Variants in PDIA6 observed in about 807,000 individuals in gnomAD.
PDIA6 encodes the protein protein disulfide isomerase family A member 6.
Under a neutral mutation model 58.4 loss-of-function variants are expected in PDIA6, and 29 were observed. The ratio of observed to expected loss-of-function variants is 0.50; its 90% CI spans 0.37 to 0.68. PDIA6 has a LOEUF of 0.68. Ranked by LOEUF, PDIA6 falls within the 30% of genes least tolerant of loss-of-function variation. The pLI, the probability that PDIA6 is intolerant of heterozygous loss-of-function variation, is 0.00. For synonymous variants in PDIA6, 192 were observed against 202.6 expected (o/e 0.95, Z 0.44); for missense variants, 480 against 551.0 (o/e 0.87, Z 1.29).
chr2:10,790,689 C>T, intron 7 of PDIA6, 30 bp downstream of exon 7: 1 of 1,475,674 alleles, frequency 6.8e-7, no homozygotes, highest in East Asian at 2.3e-5. Flanking sequence ...ATGTATTTCA[C>T]AATGAAATGA....
At chr2:10,819,427 C>A in intron 1 of PDIA6, 1 of 886,648 alleles carries the variant, frequency 1.1e-6, no homozygotes, top group Non-Finnish European at 1.8e-6. Flanking sequence ...CACCATATGC[C>A]AGGCTCCACG....
intron 1 of PDIA6, among the ~76,000 whole-genome samples, chr2:10,825,001 G>A (rs1174686240): frequency 6.6e-6 from 1 of 152,088 alleles, no homozygotes; most frequent in Non-Finnish European, 1.5e-5. Flanking sequence ...AATCTGGGTG[G>A]GCACCAGCTA....
chr2:10,787,423 C>G lies in PDIA6; in HGVS notation c.1015G>C (p.Ala339Pro), dbSNP rs148440709. ...GTCTCAAGTTCAGACTGGGCTCCAG[C>G]TTCTGTCCACAGCCACCTAGAAAAC... ...KKMWGWLWTE[A>P]GAQSELETAL... Residue 339 changes from alanine to proline, a missense_variant, in exon 11 of 13, where the codon GCT (alanine) becomes CCT (proline). Physicochemically the swap from Ala to Pro is conservative, Grantham distance 27 (BLOSUM62 -1). Transcript: ENST00000272227. 6.8e-6 allele frequency: 11 copies of G among 1,613,152 alleles called. No individual in the cohort carries two copies. Among genetic ancestry groups the G allele is most frequent in the Non-Finnish European group, 8.5e-6 (10 of 1,179,642 alleles).
In PDIA6 at chr2:10,784,689, A is replaced by G. The variant is rs1434600257; in HGVS notation, c.1254+245T>C. 1.5e-5 allele frequency: 8 copies of G among 535,844 alleles called. No homozygotes were observed. In the African/African-American group the frequency reaches 1.5e-4, roughly 10 times the overall value. 33.2% of individuals were successfully genotyped at this position (535,844 alleles called of 1,614,324 possible). On this transcript the variant is annotated intron_variant, in intron 12 of 12. Transcript: ENST00000272227. ...CAGGTTAAATGTTCACTTTAAGGTAATAATCAGGAAAGCAACCTTACTACT... is the reference window on the plus strand; with the variant it reads ...CAGGTTAAATGTTCACTTTAAGGTAGTAATCAGGAAAGCAACCTTACTACT...
At chr2:10,797,859 T>A (rs1477446639) in intron 2 of PDIA6, 102 bp from the exon 3 acceptor site, 2 of 842,412 alleles carry the variant, frequency 2.4e-6, no homozygotes, top group Non-Finnish European at 3.8e-6. Flanking sequence ...GTCTATTGAA[T>A]GAGATGCCTG....
upstream of PDIA6, among the ~76,000 whole-genome samples, chr2:10,833,851 C>T (rs865792817): frequency 3.3e-5 from 5 of 152,284 alleles, no homozygotes; most frequent in East Asian, 7.7e-4. Flanking sequence ...GCTTGGAGCT[C>T]GAGGTGCCAA....
intron 11 of PDIA6, among the ~76,000 whole-genome samples, chr2:10,786,273 A>G (rs1227249670): frequency 1.3e-5 from 2 of 151,582 alleles, no homozygotes; most frequent in Non-Finnish European, 2.9e-5. Context: ...CAGTGAGCCG[A>G]GATCGTGCCA....
chr2:10,829,104 G>A (rs893714831), intron 1 of PDIA6, among the ~76,000 whole-genome samples: 2 of 152,214 alleles, frequency 1.3e-5, no homozygotes, highest in African/African-American at 4.8e-5. Context: ...TTCCCCAAGA[G>A]AGAATCTGCT....
intron 6 of PDIA6, 122 bp downstream of exon 6, chr2:10,791,667 TAGAGTC>T (rs1267004959): frequency 1.2e-6 from 1 of 811,200 alleles, no homozygotes; most frequent in South Asian, 1.9e-5. Flanking sequence ...AATATTCACT[TAGAGTC>T]AGAGTTTTGC....
chr2:10,836,625 G>A (rs529833889), upstream of PDIA6, among the ~76,000 whole-genome samples: 74 of 150,546 alleles, frequency 4.9e-4, no homozygotes, highest in South Asian at 6.9e-3. Context: ...TGTTTTTAGC[G>A]TATTCACAAG....
intron 7 of PDIA6, among the ~76,000 whole-genome samples, chr2:10,790,118 G>A (rs990163654): frequency 3.3e-5 from 5 of 151,770 alleles, no homozygotes; most frequent in Non-Finnish European, 7.4e-5. Flanking sequence ...AGCTGGGACT[G>A]CAGGCACACA....
intron 1 of PDIA6, among the ~76,000 whole-genome samples, chr2:10,819,698 G>A (rs989226530): frequency 2.0e-5 from 3 of 152,272 alleles, no homozygotes; most frequent in South Asian, 2.1e-4. Context: ...AAGGAAAGAG[G>A]AACCTCCATC....
chr2:10,804,098 T>C (rs564968901), intron 1 of PDIA6, among the ~76,000 whole-genome samples: 12 of 151,730 alleles, frequency 7.9e-5, no homozygotes, highest in East Asian at 3.9e-4. Flanking sequence ...TTAGTAGAGA[T>C]GGGGTTTCAC....
chr2:10,804,653 G>A (rs1572679334), intron 1 of PDIA6, among the ~76,000 whole-genome samples: 2 of 135,190 alleles, frequency 1.5e-5, no homozygotes, highest in South Asian at 2.6e-4. Flanking sequence ...TTGGCGATGC[G>A]GGCTCTTTTT....
Position 10,812,682 on chromosome 2 carries a change from C to A in PDIA6, c.15G>T (p.Val5=), listed in dbSNP as rs1395451731. 1 of 1,535,240 alleles carries A rather than the reference C, an allele frequency of 6.5e-7. No homozygotes were observed. ...CCTCCGCTGGCCCGCACCTACCGAGCACCAGGAGAGCCATGCCGAGCGCCG... is the reference window on the plus strand; with the variant it reads ...CCTCCGCTGGCCCGCACCTACCGAGAACCAGGAGAGCCATGCCGAGCGCCG... MALL[V]LGLVSCTFFL... is the part of the protein sequence containing the mutation. Residue 5 remains valine, a synonymous_variant, in exon 1 of 13, where the codon GTG becomes GTT. Coordinates refer to ENST00000272227, the MANE Select transcript of PDIA6 (RefSeq NM_005742.4).
chr2:10,820,490 C>T (rs1354307656), intron 1 of PDIA6, among the ~76,000 whole-genome samples: 1 of 152,124 alleles, frequency 6.6e-6, no homozygotes, highest in African/African-American at 2.4e-5. Context: ...CATGTCCAGC[C>T]CCCAGGTAGC....
At chr2:10,825,095 C>T (rs1299838458) in intron 1 of PDIA6, among the ~76,000 whole-genome samples, 1 of 152,182 alleles carries the variant, frequency 6.6e-6, no homozygotes. Flanking sequence ...TAGCCTACAT[C>T]TTTCTCCCAT....
upstream of PDIA6, among the ~76,000 whole-genome samples, chr2:10,833,177 C>T (rs1292325777): frequency 6.6e-6 from 1 of 152,196 alleles, no homozygotes; most frequent in Non-Finnish European, 1.5e-5. Context: ...GCTCCCTCGA[C>T]AGGCCAGTTC....
At chr2:10,829,093 A>G (rs1373446530) in intron 1 of PDIA6, among the ~76,000 whole-genome samples, 3 of 152,116 alleles carry the variant, frequency 2.0e-5, no homozygotes, top group Non-Finnish European at 4.4e-5. Context: ...TGCCCTTCTC[A>G]TTCCCCAAGA....
Sources: allele counts gnomAD v4.1 joint callset (sites outside exome capture counted in the v4.1 genomes callset), GRCh38; gene constraint gnomAD v4.1.1; transcripts MANE v1.5; gene names NCBI Gene and HGNC (gene_info 2026-07-23, HGNC 2026-07-21).